ATP6V0E1: variants seen among roughly 807,000 people sequenced by gnomAD.
The protein encoded by ATP6V0E1 is V-type proton ATPase subunit e 1.
A neutral mutation model predicts 11.6 loss-of-function variants in ATP6V0E1; 4 were observed. The ratio of observed to expected loss-of-function variants is 0.35; its 90% CI spans 0.17 to 0.79. ATP6V0E1 has a LOEUF of 0.79. Among genes scored for constraint, ATP6V0E1 ranks in the 30% least tolerant of loss-of-function variants. ATP6V0E1 has a pLI of 0.54. For synonymous variants in ATP6V0E1, 36 were observed against 34.8 expected (o/e 1.04, Z -0.13); for missense variants, 105 against 100.0 (o/e 1.05, Z -0.21).
chr5:173,014,933 G>A (rs1244228098), intron 2 of ATP6V0E1, among the ~76,000 whole-genome samples: 7 of 152,078 alleles, frequency 4.6e-5, no homozygotes, highest in African/African-American at 1.2e-4. Context: ...TGGTAAATAC[G>A]AAGAAAAAAC....
At chr5:173,024,048 A>T (rs1756520616) in intron 3 of ATP6V0E1, among the ~76,000 whole-genome samples, 1 of 151,912 alleles carries the variant, frequency 6.6e-6, no homozygotes, top group Non-Finnish European at 1.5e-5. Context: ...TACAAAAAAA[A>T]TTAGCCAGGC....
intron 1 of ATP6V0E1, among the ~76,000 whole-genome samples, chr5:172,992,114 G>A (rs886595386): frequency 8.6e-5 from 13 of 151,608 alleles, no homozygotes; most frequent in Admixed American, 5.3e-4. Flanking sequence ...GCAGTGGCGC[G>A]ATCTCGGCTC....
At chr5:172,995,299 G>A (rs879799770) in intron 2 of ATP6V0E1, among the ~76,000 whole-genome samples, 1 of 152,056 alleles carries the variant, frequency 6.6e-6, no homozygotes, top group Admixed American at 6.6e-5. Flanking sequence ...AGACGGGTTT[G>A]CCATGTTGGC....
chr5:173,022,728 G>A (rs1323694976), intron 3 of ATP6V0E1, among the ~76,000 whole-genome samples: 1 of 152,082 alleles, frequency 6.6e-6, no homozygotes, highest in Non-Finnish European at 1.5e-5. Context: ...CACACTCCTG[G>A]CTCAAGTGAT....
At chr5:173,019,809 AATGGGTGTGTC>A (rs1410867170) in intron 2 of ATP6V0E1, among the ~76,000 whole-genome samples, 1 of 152,170 alleles carries the variant, frequency 6.6e-6, no homozygotes, top group East Asian at 1.9e-4. Context: ...TACCAGTAAA[AATGGGTGTGTC>A]ATGTAGGTTG....
chr5:173,030,959 ATTTG>A (rs1314762324), intron 3 of ATP6V0E1, among the ~76,000 whole-genome samples: 1 of 133,648 alleles, frequency 7.5e-6, no homozygotes, highest in African/African-American at 2.8e-5. Context: ...TTATTTATTT[ATTTG>A]AGACGGAGTC....
chr5:173,026,864 T>C (rs1431718689), intron 3 of ATP6V0E1, among the ~76,000 whole-genome samples: 4 of 152,216 alleles, frequency 2.6e-5, no homozygotes, highest in African/African-American at 9.6e-5. Context: ...GAGATTATAC[T>C]GTTTTGCATT....
At chr5:173,023,643 G>A (rs1371172221) in intron 3 of ATP6V0E1, among the ~76,000 whole-genome samples, 5 of 152,158 alleles carry the variant, frequency 3.3e-5, no homozygotes, top group Admixed American at 6.5e-5. Context: ...CCAGGAGTTC[G>A]AGACCAGCTT....
intron 3 of ATP6V0E1, among the ~76,000 whole-genome samples, chr5:173,027,553 C>T (rs2113614661): frequency 6.7e-6 from 1 of 150,330 alleles, no homozygotes; most frequent in Non-Finnish European, 1.5e-5. Context: ...CTGAATTTTG[C>T]CAATTTAATT....
intron 2 of ATP6V0E1, among the ~76,000 whole-genome samples, chr5:173,004,351 A>G (rs1377065426): frequency 6.6e-6 from 1 of 152,218 alleles, no homozygotes; most frequent in Non-Finnish European, 1.5e-5. Flanking sequence ...CCCAGTCGCC[A>G]AAGCCTGAGG....
chr5:173,006,302 G>T (rs562463854), intron 2 of ATP6V0E1, among the ~76,000 whole-genome samples: 3 of 152,172 alleles, frequency 2.0e-5, no homozygotes, highest in East Asian at 3.9e-4. Flanking sequence ...TTTGGAGGGG[G>T]TGAAGGTTTT....
rs755643482 is a variant in ATP6V0E1 at position 173,031,254 on chromosome 5, AT to A, written c.*37-3135del. Among the ~76,000 whole-genome samples the A allele has an allele frequency of 5.4e-3, 773 of 142,404 alleles. 29 individuals carry two copies. The East Asian group carries it at 0.11, about 19-fold the overall frequency. 93.4% of individuals were successfully genotyped at this position (142,404 alleles called of 152,430 possible). The stretch of plus-strand genomic sequence containing the variant: ...CCACCGTGCCCGGCCTAATTTTTGT[AT>A]TTTTTTTTTAGTAGAGATGGGGTAC... On this transcript the variant is annotated intron_variant, in intron 3 of 3. Coordinates refer to ENST00000519374, the MANE Select transcript of ATP6V0E1 (RefSeq NM_003945.4).
At chr5:173,033,801 G>A (rs1216448670) in intron 3 of ATP6V0E1, among the ~76,000 whole-genome samples, 7 of 152,042 alleles carry the variant, frequency 4.6e-5, no homozygotes, top group Non-Finnish European at 1.0e-4. Context: ...CCGAGATCAC[G>A]CCACTGCACT....
rs539174415 is a variant in ATP6V0E1, at chr5:173,025,143, C to CT, written c.*36+4797dup. ...GGTGTGAGCCACTGTGCCTGGCATT[C>CT]TTTTTTTTTTTTTTTTTTTTTAAAG... On this transcript the variant is annotated intron_variant, in intron 3 of 3. Transcript: ENST00000519374. 5.0e-3 allele frequency among the ~76,000 whole-genome samples: 517 copies of CT among 103,138 alleles called. 3 individuals carry two copies. The highest frequency in any genetic ancestry group is 0.013 in the South Asian group (42 of 3,226). 67.7% of individuals were successfully genotyped at this position (103,138 alleles called of 152,430 possible).
chr5:173,021,336 C>G (rs528908013), intron 3 of ATP6V0E1, among the ~76,000 whole-genome samples: 3 of 151,010 alleles, frequency 2.0e-5, no homozygotes, highest in African/African-American at 7.4e-5. Context: ...AATGGACTCA[C>G]AGTTCCTCGT....
intron 2 of ATP6V0E1, among the ~76,000 whole-genome samples, chr5:173,013,553 C>T (rs1480079157): frequency 2.3e-5 from 3 of 129,364 alleles, no homozygotes; most frequent in East Asian, 2.2e-4. Context: ...CCAGCCTGGG[C>T]GACAGAGCCA....
intron 2 of ATP6V0E1, among the ~76,000 whole-genome samples, chr5:173,012,274 C>G (rs1433722702): frequency 6.6e-6 from 1 of 151,438 alleles, no homozygotes. Flanking sequence ...TCAGGTGATC[C>G]GCCCGCCTTG....
At chr5:172,987,175 G>T (rs1364512000) in intron 1 of ATP6V0E1, 1 of 195,876 alleles carries the variant, frequency 5.1e-6, no homozygotes, top group Non-Finnish European at 1.1e-5. Flanking sequence ...CTGGTCATAG[G>T]TGGAATTAAG....
rs6877598 is a variant in ATP6V0E1 at position 173,017,617 on chromosome 5, C to T, written c.153-2621C>T. ...CAGCACTTTGGGAGGCCAAGGTGGG[C>T]GGATCACAAGGTCAGGAGTTCGACA... is the stretch of plus-strand genomic sequence containing the variant. On this transcript the variant is annotated intron_variant, in intron 2 of 3. Coordinates refer to ENST00000519374, the MANE Select transcript of ATP6V0E1 (RefSeq NM_003945.4). 8.7e-3 allele frequency among the ~76,000 whole-genome samples: 1,303 copies of T among 150,254 alleles called. 19 individuals carry two copies. Among genetic ancestry groups the T allele is most frequent in the African/African-American group, 0.03 (1,241 of 40,854 alleles).
Sources: allele counts gnomAD v4.1 joint callset (sites outside exome capture counted in the v4.1 genomes callset), GRCh38; gene constraint gnomAD v4.1.1; transcripts MANE v1.5; gene names NCBI Gene and HGNC (gene_info 2026-07-23, HGNC 2026-07-21).